Variants in SLC36A1 observed in about 807,000 individuals in gnomAD.
The protein encoded by SLC36A1 is proton-coupled amino acid transporter 1.
Under a neutral mutation model 47.5 loss-of-function variants are expected in SLC36A1, and 30 were observed. That is an observed-to-expected ratio of 0.63 (90% CI 0.47 to 0.86). SLC36A1 has a LOEUF of 0.86. Ranked by LOEUF, SLC36A1 falls within the 40% of genes least tolerant of loss-of-function variation. SLC36A1 has a pLI of 0.00. For missense variants in SLC36A1, 517 were observed against 606.0 expected (o/e 0.85, Z 1.54); for synonymous variants, 255 against 249.7 (o/e 1.02, Z -0.20).
chr5:151,542,349 C>A, the SLC36A1 span: 1 of 1,613,908 alleles, frequency 6.2e-7, no homozygotes, highest in Non-Finnish European at 8.5e-7. Flanking sequence ...TCTTTAGAGT[C>A]GCCACCAGTT....
chr5:151,435,339 C>G (rs1759705663), upstream of SLC36A1, among the ~76,000 whole-genome samples: 1 of 152,016 alleles, frequency 6.6e-6, no homozygotes, highest in Non-Finnish European at 1.5e-5. Flanking sequence ...CTGTTAAGTG[C>G]AAAATGAAGA....
chr5:151,370,544 G>A, the SLC36A1 span, among the ~76,000 whole-genome samples: 23 of 152,124 alleles, frequency 1.5e-4, no homozygotes, highest in Non-Finnish European at 3.2e-4. Context: ...CATTTCCTAA[G>A]TATGTGTATA....
At chr5:151,505,819 G>T in the SLC36A1 span, 2 of 1,613,510 alleles carry the variant, frequency 1.2e-6, no homozygotes, top group Non-Finnish European at 1.7e-6. Flanking sequence ...TTGAGACAGG[G>T]GGCAACCAGG....
the SLC36A1 span, chr5:151,529,125 A>G: frequency 6.6e-7 from 1 of 1,512,890 alleles, no homozygotes; most frequent in Non-Finnish European, 9.2e-7. Context: ...GGGTGAGATA[A>G]GAACCCATCC....
At chr5:151,408,020 C>T in the SLC36A1 span, among the ~76,000 whole-genome samples, 1 of 152,326 alleles carries the variant, frequency 6.6e-6, no homozygotes, top group Non-Finnish European at 1.5e-5. Context: ...CACAACCCTA[C>T]AAAGCAGGGA....
chr5:151,347,524 G>A, the SLC36A1 span: 2 of 1,596,274 alleles, frequency 1.3e-6, no homozygotes, highest in South Asian at 1.1e-5. Context: ...AGGGAAGCAG[G>A]AAGGTGTCTA....
At chr5:151,347,438 T>C in the SLC36A1 span, 1 of 1,614,110 alleles carries the variant, frequency 6.2e-7, no homozygotes, top group Non-Finnish European at 8.5e-7. Flanking sequence ...CTGGGGACCC[T>C]CAGTACTTTT....
the SLC36A1 span, chr5:151,551,659 T>C: frequency 9.4e-6 from 15 of 1,593,168 alleles, no homozygotes; most frequent in East Asian, 6.7e-5. Context: ...TTAGGCAGCA[T>C]AGCATAAGAT....
At chr5:151,403,863 G>C in the SLC36A1 span, among the ~76,000 whole-genome samples, 1 of 152,194 alleles carries the variant, frequency 6.6e-6, no homozygotes, top group African/African-American at 2.4e-5. Flanking sequence ...CTCAGAGTAT[G>C]TGCCATGTGC....
chr5:151,445,546 A>G (rs1186312723), upstream of SLC36A1, among the ~76,000 whole-genome samples: 1 of 152,220 alleles, frequency 6.6e-6, no homozygotes, highest in African/African-American at 2.4e-5. Flanking sequence ...AGAGTTTAGT[A>G]ACAAACCTTC....
the SLC36A1 span, among the ~76,000 whole-genome samples, chr5:151,405,873 T>C: frequency 1.3e-5 from 2 of 152,206 alleles, no homozygotes; most frequent in African/African-American, 2.4e-5. Context: ...TTTACCTACA[T>C]TGGGTTTTAC....
intron 1 of SLC36A1, among the ~76,000 whole-genome samples, chr5:151,456,424 G>C (rs1174515080): frequency 6.6e-6 from 1 of 152,232 alleles, no homozygotes; most frequent in Non-Finnish European, 1.5e-5. Context: ...TGGTTCACAG[G>C]TACTAAGCAA....
chr5:151,483,262 C>T (rs1427616749), intron 10 of SLC36A1, among the ~76,000 whole-genome samples: 2 of 152,162 alleles, frequency 1.3e-5, no homozygotes, highest in African/African-American at 4.8e-5. Flanking sequence ...GAATCCAGTT[C>T]CTTCTGTGAA....
chr5:151,468,703 G>GC (rs1023584424), intron 7 of SLC36A1, among the ~76,000 whole-genome samples: 10 of 151,262 alleles, frequency 6.6e-5, no homozygotes, highest in African/African-American at 1.7e-4. Flanking sequence ...GGGCAAAATC[G>GC]CCCCCCCACC....
At chr5:151,465,591 A>T (rs73272009) in intron 5 of SLC36A1, among the ~76,000 whole-genome samples, 3,397 of 152,312 alleles carry the variant, frequency 0.022, 133 homozygotes, top group African/African-American at 0.077. Flanking sequence ...TGTGTAAGGA[A>T]AAAGAAATGT....
the SLC36A1 span, among the ~76,000 whole-genome samples, chr5:151,535,527 G>T: frequency 2.0e-5 from 3 of 149,872 alleles, no homozygotes; most frequent in African/African-American, 7.4e-5. Flanking sequence ...GGACATGGGA[G>T]CCCCTTTCCT....
chr5:151,531,153 G>A, the SLC36A1 span, among the ~76,000 whole-genome samples: 1 of 152,296 alleles, frequency 6.6e-6, no homozygotes, highest in East Asian at 1.9e-4. This position sits in a 1 kb window ranked among gnomAD's most constrained non-coding sequence, Gnocchi z 5.7. Context: ...AGGGGTGCCA[G>A]GATGTTTGGA....
intron 7 of SLC36A1, among the ~76,000 whole-genome samples, chr5:151,470,678 CT>C (rs1235489993): frequency 6.6e-6 from 1 of 152,238 alleles, no homozygotes; most frequent in Non-Finnish European, 1.5e-5. Context: ...TTTGTTGCCG[CT>C]GCCTCTGCGG....
At chr5:151,461,971 T>TC (rs1277099501) in intron 2 of SLC36A1, among the ~76,000 whole-genome samples, 2 of 151,880 alleles carry the variant, frequency 1.3e-5, no homozygotes, top group Non-Finnish European at 2.9e-5. Flanking sequence ...CTTTTTTTTT[T>TC]TTCATAGAAC....
Sources: allele counts gnomAD v4.1 joint callset (sites outside exome capture counted in the v4.1 genomes callset), GRCh38; gene constraint gnomAD v4.1.1; non-coding constraint Gnocchi (gnomAD v3.1); transcripts MANE v1.5; gene names NCBI Gene and HGNC (gene_info 2026-07-23, HGNC 2026-07-21).